Variants in PLPPR4 observed in about 807,000 individuals in gnomAD.
The protein encoded by PLPPR4 is phospholipid phosphatase related 4.
Under a neutral mutation model 56.6 loss-of-function variants are expected in PLPPR4, and 24 were observed. The ratio of observed to expected loss-of-function variants is 0.42; its 90% CI spans 0.31 to 0.60. The LOEUF (loss-of-function observed/expected upper bound fraction) is 0.60. PLPPR4 is among the 20% of genes least tolerant of loss of function. The pLI is 0.13. For synonymous variants in PLPPR4, 326 were observed against 328.1 expected (o/e 0.99, Z 0.07); for missense variants, 654 against 885.8 (o/e 0.74, Z 3.32).
At chr1:99,296,919 A>G (rs755127529) in intron 3 of PLPPR4, 52 bp downstream of exon 3, 36 of 1,446,810 alleles carry the variant, frequency 2.5e-5, no homozygotes, top group Non-Finnish European at 3.2e-5. Context: ...TTATATTGAA[A>G]TGTTATATTT....
rs550803332 is a variant in PLPPR4, at chr1:99,278,773, G to A, written c.79-9192G>A. ...TTTTTGACTTTACTGTTACATCAGT[G>A]TGATTGCATTGGTCCTTTTAGAGCT... On this transcript the variant is annotated intron_variant, in intron 1 of 6. Coordinates refer to ENST00000370185, the MANE Select transcript of PLPPR4 (RefSeq NM_014839.5). Among the ~76,000 whole-genome samples the A allele has an allele frequency of 2.0e-5, 3 of 152,280 alleles. No individual in the cohort carries two copies. In the South Asian group the frequency reaches 6.2e-4, roughly 32 times the overall value.
In PLPPR4 at chr1:99,264,555, T is replaced by C. The variant is rs1658843025; in HGVS notation, c.-39T>C. The C allele has an allele frequency of 3.9e-6, 6 of 1,551,076 alleles. No individual in the cohort carries two copies. Among genetic ancestry groups the C allele is most frequent in the Non-Finnish European group, 5.2e-6 (6 of 1,147,172 alleles). Reference sequence around the variant, plus strand: ...TCGCCTCAGCTGCGCTGTGCACACCTCGCCCGGGGGAGGACGCAGACCCGG... The same window carrying C: ...TCGCCTCAGCTGCGCTGTGCACACCCCGCCCGGGGGAGGACGCAGACCCGG... On this transcript the variant is annotated 5_prime_UTR_variant, in exon 1 of 7. Coordinates refer to ENST00000370185, the MANE Select transcript of PLPPR4 (RefSeq NM_014839.5).
intron 1 of PLPPR4, among the ~76,000 whole-genome samples, chr1:99,284,706 T>C (rs1407438197): frequency 1.3e-5 from 2 of 152,080 alleles, no homozygotes; most frequent in Admixed American, 6.6e-5. Flanking sequence ...GGAAAAATTG[T>C]CAGTTTCAGG....
intron 2 of PLPPR4, among the ~76,000 whole-genome samples, chr1:99,290,888 G>T (rs565505095): frequency 1.4e-4 from 21 of 152,076 alleles, no homozygotes; most frequent in African/African-American, 5.1e-4. Context: ...CACAGGCAAA[G>T]ATTTCATGAT....
At position 99,306,927 on chromosome 1, in the gene PLPPR4, A is replaced by C; in HGVS notation, c.2065A>C (p.Ile689Leu). The change falls in exon 7 of 7, where the codon ATC (isoleucine) becomes CTC (leucine). Residue 689 changes from isoleucine (I) to leucine (L), a missense_variant. Ile to Leu is a conservative substitution (Grantham distance 5). Around this residue, in one of 2 missense-constraint regions of PLPPR4, gnomAD observed 468 missense variants for 554.3 expected, o/e 0.84. Transcript: ENST00000370185. This position sits in a 1 kb window ranked among gnomAD's most constrained non-coding sequence, Gnocchi z 4.0. ...TLRRKGNIIL[I>L]PERSNSPENT... ...GCGGAGAAAGGGCAATATCATTCTA[A>C]TCCCTGAAAGAAGCAACAGCCCCGA... The C allele has an allele frequency of 6.2e-7, 1 of 1,614,038 alleles. No homozygotes were observed. The highest frequency in any genetic ancestry group is 8.5e-7 in the Non-Finnish European group (1 of 1,179,994).
At chr1:99,305,627 G>A in intron 6 of PLPPR4, 58 bp from the exon 7 acceptor site, 1 of 1,548,672 alleles carries the variant, frequency 6.5e-7, no homozygotes, top group African/African-American at 1.4e-5. Context: ...GTACTCTAAG[G>A]AAACCCTAGT....
At position 99,289,711 on chromosome 1, in the gene PLPPR4, T is replaced by C. The variant is rs148665097; in HGVS notation, c.264+1561T>C. ...GACAAAAGCCACATGATTATCTCAA[T>C]AGATGCGGAAAAGGTTTTCAATAAA... On this transcript the variant is annotated intron_variant, in intron 2 of 6. Transcript: ENST00000370185. 2.5e-3 allele frequency among the ~76,000 whole-genome samples: 388 copies of C among 152,250 alleles called. 2 individuals are homozygous for C. The highest frequency in any genetic ancestry group is 0.014 in the Middle Eastern group (4 of 294).
intron 3 of PLPPR4, among the ~76,000 whole-genome samples, chr1:99,297,216 G>A (rs779056343): frequency 6.6e-5 from 10 of 152,160 alleles, no homozygotes; most frequent in Admixed American, 1.3e-4. Context: ...AGAATGAATA[G>A]ACAACTCTTC....
intron 1 of PLPPR4, among the ~76,000 whole-genome samples, chr1:99,272,696 T>G (rs1659087585): frequency 6.6e-6 from 1 of 152,150 alleles, no homozygotes; most frequent in African/African-American, 2.4e-5. Flanking sequence ...ATTAACTCCC[T>G]TGACATGAGG....
chr1:99,287,694 T>C (rs1659500249), intron 1 of PLPPR4, among the ~76,000 whole-genome samples: 1 of 152,110 alleles, frequency 6.6e-6, no homozygotes, highest in African/African-American at 2.4e-5. Context: ...TTTGGAATGC[T>C]GTGTGGAAAA....
At chr1:99,279,659 C>T (rs2100791404) in intron 1 of PLPPR4, among the ~76,000 whole-genome samples, 1 of 152,222 alleles carries the variant, frequency 6.6e-6, no homozygotes, top group Non-Finnish European at 1.5e-5. Flanking sequence ...CTGAAAAGCA[C>T]CAGACTAGTG....
chr1:99,308,226 A>G lies in PLPPR4; in HGVS notation c.*1216A>G, dbSNP rs1570928894. 1 of 152,142 alleles carries G rather than the reference A, an allele frequency of 6.6e-6. No individual in the cohort carries two copies. Among genetic ancestry groups the G allele is most frequent in the Admixed American group, 6.6e-5 (1 of 15,262 alleles). The allele number at this position is 152,142 out of a possible 1,614,324, so 9.4% of individuals were successfully genotyped here. A position where few individuals can be genotyped will look rare whatever the true frequency, so the allele number is the denominator to read the frequency against. On this transcript the variant is annotated 3_prime_UTR_variant, in exon 7 of 7. Coordinates refer to ENST00000370185, the MANE Select transcript of PLPPR4 (RefSeq NM_014839.5). Reference sequence around the variant, plus strand: ...ACTCGTCTCTAAAACGTTTTTGTTAATTGGACACCAAGAGGAAGAATCTGA... The same window carrying G: ...ACTCGTCTCTAAAACGTTTTTGTTAGTTGGACACCAAGAGGAAGAATCTGA...
In PLPPR4 at chr1:99,265,829, T is replaced by A. The variant is rs76502740; in HGVS notation, c.78+1158T>A. 2.9e-3 allele frequency among the ~76,000 whole-genome samples: 449 copies of A among 152,354 alleles called. 5 individuals carry two copies. The highest frequency in any genetic ancestry group is 9.7e-3 in the African/African-American group (405 of 41,576). On this transcript the variant is annotated intron_variant, in intron 1 of 6. Coordinates refer to ENST00000370185, the MANE Select transcript of PLPPR4 (RefSeq NM_014839.5). ...GGGAGAAGAGACATTGTCGGACTGT[T>A]CTTATAGGTAACAATATATTTGGAA...
Position 99,306,178 on chromosome 1 carries a change from G to C in PLPPR4, c.1316G>C (p.Arg439Thr), listed in dbSNP as rs149685958. The C allele has an allele frequency of 2.1e-5, 34 of 1,614,006 alleles. No individual in the cohort carries two copies. In the African/African-American group the frequency reaches 4.4e-4, roughly 21 times the overall value. Residue 439 changes from arginine (R) to threonine (T), a missense_variant, in exon 7 of 7, where the codon AGG becomes ACG. By Grantham distance (71) the Arg-to-Thr change is moderately conservative. Coordinates refer to ENST00000370185, the MANE Select transcript of PLPPR4 (RefSeq NM_014839.5). The surrounding 1 kb of genome is among the most constrained non-coding windows in gnomAD (Gnocchi z 4.0). ...IEMRSSSEPSRVGVNGDHHGP... is the reference protein window; with the variant it reads ...IEMRSSSEPSTVGVNGDHHGP... Reference sequence around the variant, plus strand: ...ATGAGGTCAAGCTCAGAGCCATCGAGGGTAGGGGTGAATGGAGACCACCAT... The same window carrying C: ...ATGAGGTCAAGCTCAGAGCCATCGACGGTAGGGGTGAATGGAGACCACCAT...
intron 2 of PLPPR4, among the ~76,000 whole-genome samples, chr1:99,293,602 T>C (rs768865764): frequency 7.9e-5 from 12 of 152,178 alleles, no homozygotes; most frequent in Non-Finnish European, 1.8e-4. Flanking sequence ...AATTAATATA[T>C]CTAATTTTAT....
intron 1 of PLPPR4, among the ~76,000 whole-genome samples, chr1:99,273,896 C>T (rs759257622): frequency 3.3e-5 from 5 of 152,106 alleles, no homozygotes; most frequent in Admixed American, 2.0e-4. Flanking sequence ...AGATATTGCT[C>T]GGCCTTGTGG....
At chr1:99,264,781 C>A in intron 1 of PLPPR4, 110 bp downstream of exon 1, 1 of 1,214,700 alleles carries the variant, frequency 8.2e-7, no homozygotes, top group Non-Finnish European at 1.2e-6. Context: ...GCGCGCGCGG[C>A]TGTCCCCAAA....
chr1:99,301,846 A>G lies in PLPPR4; in HGVS notation c.771A>G (p.Pro257=), dbSNP rs1248706480. Residue 257 remains proline, a synonymous_variant, in exon 6 of 7, where the codon CCA becomes CCG. Coordinates refer to ENST00000370185, the MANE Select transcript of PLPPR4 (RefSeq NM_014839.5). ...LTRITQYKNH[P]VDVYCGFLIG... The stretch of plus-strand genomic sequence containing the variant: ...GGATAACTCAGTATAAGAACCACCC[A>G]GTTGATGTCTATTGTGGCTTTTTAA... 11 of 1,612,434 alleles carry G rather than the reference A, an allele frequency of 6.8e-6. No individual in the cohort carries two copies. The highest frequency in any genetic ancestry group is 1.6e-4 in the Middle Eastern group (1 of 6,076).
At chr1:99,288,277 G>A in intron 2 of PLPPR4, 127 bp downstream of exon 2, 1 of 745,356 alleles carries the variant, frequency 1.3e-6, no homozygotes. Flanking sequence ...TCATGTCTTT[G>A]AGATATATTG....
Sources: allele counts gnomAD v4.1 joint callset (sites outside exome capture counted in the v4.1 genomes callset), GRCh38; gene constraint gnomAD v4.1.1; regional missense constraint gnomAD v4.1.1; non-coding constraint Gnocchi (gnomAD v3.1); transcripts MANE v1.5; gene names NCBI Gene and HGNC (gene_info 2026-07-23, HGNC 2026-07-21).